Variants in FUT9 observed in about 807,000 individuals in gnomAD.
The protein encoded by FUT9 is 4-galactosyl-N-acetylglucosaminide 3-alpha-L-fucosyltransferase 9.
In FUT9, 15 loss-of-function variants were observed where a neutral mutation model predicts 29.7. That is an observed-to-expected ratio of 0.51 (90% CI 0.34 to 0.78). The LOEUF (loss-of-function observed/expected upper bound fraction) is 0.78, where lower values mean the gene tolerates loss of function less well. Among genes scored for constraint, FUT9 ranks in the 30% least tolerant of loss-of-function variants. FUT9 has a pLI of 0.01. For synonymous variants in FUT9, 169 were observed against 153.7 expected, an observed-to-expected ratio of 1.10 and a Z score of -0.74; for missense variants, 319 against 425.4, an observed-to-expected ratio of 0.75 and a Z score of 2.20.
chr6:96,119,148 G>A (rs1771971924), intron 2 of FUT9, among the ~76,000 whole-genome samples: 1 of 152,146 alleles, frequency 6.6e-6, no homozygotes, highest in Admixed American at 6.5e-5. Context: ...GTACAGTAAT[G>A]TCCTAGGCTT....
chr6:96,131,063 C>T (rs1772234686), intron 2 of FUT9, among the ~76,000 whole-genome samples: 1 of 152,118 alleles, frequency 6.6e-6, no homozygotes. Flanking sequence ...ATGTGCAGGA[C>T]CCACTACCTG....
chr6:96,189,365 ATT>A (rs10593649), intron 2 of FUT9, among the ~76,000 whole-genome samples: 114,740 of 151,302 alleles, frequency 0.76, 44,925 homozygotes, highest in South Asian at 0.91. Flanking sequence ...GACTTTTAAC[ATT>A]TTTTTTTTTT....
intron 1 of FUT9, among the ~76,000 whole-genome samples, chr6:96,068,554 T>C (rs370418431): frequency 8.0e-5 from 11 of 137,244 alleles, no homozygotes; most frequent in African/African-American, 2.7e-4. Flanking sequence ...ATTGGTGACA[T>C]AGCAAACTAT....
At chr6:96,043,156 A>G (rs552028175) in intron 1 of FUT9, among the ~76,000 whole-genome samples, 11 of 152,116 alleles carry the variant, frequency 7.2e-5, no homozygotes, top group African/African-American at 2.4e-4. Context: ...GGTTCATGCC[A>G]TTCTCCTGCC....
intron 1 of FUT9, among the ~76,000 whole-genome samples, chr6:96,045,608 G>A (rs1402333051): frequency 6.6e-6 from 1 of 152,162 alleles, no homozygotes; most frequent in Admixed American, 6.5e-5. Flanking sequence ...AAATACTATT[G>A]AAATTTGACT....
intron 1 of FUT9, among the ~76,000 whole-genome samples, chr6:96,106,074 G>A (rs143464017): frequency 2.8e-4 from 43 of 151,206 alleles, no homozygotes; most frequent in African/African-American, 1.0e-3. Context: ...CCAGGGGTCA[G>A]GAAAGAGAGA....
intron 1 of FUT9, among the ~76,000 whole-genome samples, chr6:96,051,186 A>G (rs139682415): frequency 8.9e-4 from 135 of 152,280 alleles, no homozygotes; most frequent in African/African-American, 3.2e-3. Flanking sequence ...TATATACTAT[A>G]TATTATACCT....
At chr6:96,156,519 A>C (rs1772788202) in intron 2 of FUT9, among the ~76,000 whole-genome samples, 1 of 152,136 alleles carries the variant, frequency 6.6e-6, no homozygotes, top group Admixed American at 6.5e-5. Context: ...TATATATATA[A>C]GCTGATGGAG....
chr6:96,190,215 A>G (rs1235391128), intron 2 of FUT9, among the ~76,000 whole-genome samples: 4 of 152,152 alleles, frequency 2.6e-5, no homozygotes, highest in African/African-American at 9.7e-5. Context: ...TCTTTTCTTT[A>G]AGAATGTTGA....
At chr6:96,030,390 A>T (rs931703628) in intron 1 of FUT9, among the ~76,000 whole-genome samples, 29 of 151,526 alleles carry the variant, frequency 1.9e-4, no homozygotes, top group African/African-American at 2.4e-4. Flanking sequence ...TAAGAAAATT[A>T]AAAAAATTAA....
chr6:96,051,678 C>T (rs1770673274), intron 1 of FUT9, among the ~76,000 whole-genome samples: 2 of 151,696 alleles, frequency 1.3e-5, no homozygotes, highest in South Asian at 2.1e-4. Context: ...ATAAATAAAA[C>T]TATAAAATAA....
rs922762142 is a variant in FUT9 at position 96,019,263 on chromosome 6, G to A, written c.-98+3051G>A. ...AATAGATAAAGAGCTAAACAATTTA[G>A]TGTCTTATGAAGGCAAGAGGATTCA... On this transcript the variant is annotated intron_variant, in intron 1 of 2. Transcript: ENST00000302103. Among the ~76,000 whole-genome samples, 15 of 151,978 alleles carry A rather than the reference G, an allele frequency of 9.9e-5. No homozygotes were observed. In the East Asian group the frequency reaches 2.1e-3, roughly 22 times the overall value.
intron 2 of FUT9, among the ~76,000 whole-genome samples, chr6:96,138,579 G>A (rs1772404000): frequency 6.6e-6 from 1 of 151,702 alleles, no homozygotes; most frequent in South Asian, 2.1e-4. Flanking sequence ...TCTTAGCACA[G>A]ATGGTTAGCA....
intron 1 of FUT9, among the ~76,000 whole-genome samples, chr6:96,033,214 A>G (rs1562102094): frequency 6.6e-6 from 1 of 151,714 alleles, no homozygotes; most frequent in African/African-American, 2.4e-5. Flanking sequence ...TAGTTTCATA[A>G]CCACTGCCAA....
chr6:96,193,888 T>A (rs1360462947), intron 2 of FUT9, among the ~76,000 whole-genome samples: 2 of 152,122 alleles, frequency 1.3e-5, no homozygotes, highest in Non-Finnish European at 2.9e-5. Flanking sequence ...AAAGGATGAG[T>A]TCATGTCCTT....
intron 2 of FUT9, among the ~76,000 whole-genome samples, chr6:96,187,005 G>T (rs1317061157): frequency 6.6e-6 from 1 of 152,040 alleles, no homozygotes; most frequent in East Asian, 1.9e-4. Context: ...GCCCAAGCAA[G>T]TTAACACATA....
At chr6:96,193,645 C>T (rs1374051276) in intron 2 of FUT9, among the ~76,000 whole-genome samples, 3 of 152,070 alleles carry the variant, frequency 2.0e-5, no homozygotes, top group South Asian at 4.2e-4. Context: ...GACAGTGTGG[C>T]GATTCCTCAA....
chr6:96,032,987 G>T (rs183565992), intron 1 of FUT9, among the ~76,000 whole-genome samples: 1 of 151,594 alleles, frequency 6.6e-6, no homozygotes, highest in Non-Finnish European at 1.5e-5. Context: ...GTTTTTGACG[G>T]TTTTTTGATT....
intron 1 of FUT9, among the ~76,000 whole-genome samples, chr6:96,099,946 TCAATGGAATGG>T (rs1351563747): frequency 2.0e-5 from 3 of 152,112 alleles, no homozygotes; most frequent in Non-Finnish European, 4.4e-5. Flanking sequence ...AACAAAAAGG[TCAATGGAATGG>T]CAATGAATCC....
Sources: gnomAD v4.1 joint callset for allele counts (sites outside exome capture counted in the v4.1 genomes callset) on GRCh38, gnomAD v4.1.1 for gene constraint, MANE v1.5 for transcripts, NCBI Gene and HGNC (gene_info 2026-07-23, HGNC 2026-07-21) for gene names.